The following SAMTOR variants were observed in gnomAD, a reference collection of about 807,000 sequenced individuals.
The protein encoded by SAMTOR is UPF0532 protein C7orf60.
the SAMTOR span, among the ~76,000 whole-genome samples, chr7:112,887,844 G>A: frequency 6.6e-6 from 1 of 151,850 alleles, no homozygotes; most frequent in Non-Finnish European, 1.5e-5. Flanking sequence ...CTTTTCGTTG[G>A]TTAGCTTGGC....
At chr7:112,936,501 C>T in the SAMTOR span, among the ~76,000 whole-genome samples, 1 of 152,198 alleles carries the variant, frequency 6.6e-6, no homozygotes, top group African/African-American at 2.4e-5. Flanking sequence ...CCCTTCCCCA[C>T]CCCAAGCCTG....
chr7:112,900,731 T>A, the SAMTOR span, among the ~76,000 whole-genome samples: 1 of 151,808 alleles, frequency 6.6e-6, no homozygotes, highest in Non-Finnish European at 1.5e-5. Context: ...AAAATATACC[T>A]ACAAAAATAT....
chr7:112,869,174 GC>G, the SAMTOR span, among the ~76,000 whole-genome samples: 1 of 152,024 alleles, frequency 6.6e-6, no homozygotes, highest in African/African-American at 2.4e-5. Flanking sequence ...GTAATCTCTC[GC>G]CCCCAGCCCC....
At chr7:112,836,742 G>A in the SAMTOR span, among the ~76,000 whole-genome samples, 3 of 151,782 alleles carry the variant, frequency 2.0e-5, no homozygotes, top group East Asian at 1.9e-4. Context: ...CAACTTTATC[G>A]AAGATCAGAT....
At chr7:112,915,253 A>G in the SAMTOR span, 1 of 1,485,728 alleles carries the variant, frequency 6.7e-7, no homozygotes, top group Non-Finnish European at 9.1e-7. Context: ...AAAAAAAAAG[A>G]AGTTACAACA....
At chr7:112,822,146 T>C in the SAMTOR span, 3,317 of 1,613,910 alleles carry the variant, frequency 2.1e-3, 52 homozygotes, top group African/African-American at 0.038. Flanking sequence ...TGATTAGTAA[T>C]AAACCATTTA....
the SAMTOR span, among the ~76,000 whole-genome samples, chr7:112,877,082 G>A: frequency 1.3e-5 from 2 of 152,170 alleles, no homozygotes; most frequent in Admixed American, 6.5e-5. Context: ...GTAAGAGGGT[G>A]CAAAAGAGGA....
chr7:112,918,651 G>C, the SAMTOR span, among the ~76,000 whole-genome samples: 1 of 152,102 alleles, frequency 6.6e-6, no homozygotes, highest in African/African-American at 2.4e-5. Context: ...ACACAGACTG[G>C]CAAATTGGAT....
chr7:112,836,576 G>A, the SAMTOR span, among the ~76,000 whole-genome samples: 2 of 151,900 alleles, frequency 1.3e-5, no homozygotes, highest in Non-Finnish European at 2.9e-5. Context: ...TATTTCCTAG[G>A]TTATCTTCCA....
At chr7:112,848,244 G>A in the SAMTOR span, among the ~76,000 whole-genome samples, 3 of 152,092 alleles carry the variant, frequency 2.0e-5, no homozygotes, top group Non-Finnish European at 2.9e-5. Flanking sequence ...AACTTTCTCA[G>A]TTTAGAAATC....
chr7:112,921,901 A>G, the SAMTOR span, among the ~76,000 whole-genome samples: 8 of 151,556 alleles, frequency 5.3e-5, no homozygotes, highest in Non-Finnish European at 1.0e-4. Flanking sequence ...ACCATCTCAC[A>G]CCACTTAGAA....
chr7:112,929,478 A>G, the SAMTOR span, among the ~76,000 whole-genome samples: 3 of 152,052 alleles, frequency 2.0e-5, no homozygotes, highest in Non-Finnish European at 4.4e-5. Context: ...TGAATCCTGT[A>G]TACTTATGTT....
chr7:112,853,342 A>C, the SAMTOR span, among the ~76,000 whole-genome samples: 1 of 152,170 alleles, frequency 6.6e-6, no homozygotes, highest in East Asian at 1.9e-4. Flanking sequence ...ACTTAAATTT[A>C]AATTTCATAT....
the SAMTOR span, among the ~76,000 whole-genome samples, chr7:112,827,159 G>A: frequency 5.3e-5 from 8 of 151,992 alleles, no homozygotes; most frequent in African/African-American, 1.9e-4. Context: ...CACTCTATTT[G>A]TGTCTTAATA....
the SAMTOR span, among the ~76,000 whole-genome samples, chr7:112,827,557 C>A: frequency 3.9e-5 from 6 of 152,240 alleles, no homozygotes; most frequent in East Asian, 1.2e-3. Flanking sequence ...AACCACTGTA[C>A]ATACCCAAAT....
At chr7:112,886,056 G>T in the SAMTOR span, among the ~76,000 whole-genome samples, 1 of 152,142 alleles carries the variant, frequency 6.6e-6, no homozygotes, top group Non-Finnish European at 1.5e-5. Flanking sequence ...GAAGTGCTGA[G>T]CAAAAGGGGG....
the SAMTOR span, among the ~76,000 whole-genome samples, chr7:112,824,206 C>T: frequency 6.6e-6 from 1 of 152,002 alleles, no homozygotes; most frequent in Non-Finnish European, 1.5e-5. Flanking sequence ...TCAATTTGTT[C>T]TTTCTTAGAT....
At chr7:112,836,274 C>T in the SAMTOR span, among the ~76,000 whole-genome samples, 9 of 151,952 alleles carry the variant, frequency 5.9e-5, no homozygotes, top group African/African-American at 1.4e-4. Flanking sequence ...TTGTTGGACA[C>T]GTTTGTCTTC....
chr7:112,927,940 T>TTA, the SAMTOR span, among the ~76,000 whole-genome samples: 1 of 152,028 alleles, frequency 6.6e-6, no homozygotes, highest in Non-Finnish European at 1.5e-5. Flanking sequence ...ATTTTGAATC[T>TTA]TATATCAAGA....
Sources: gnomAD v4.1 joint callset for allele counts (sites outside exome capture counted in the v4.1 genomes callset) on GRCh38, gnomAD v4.1.1 for gene constraint, MANE v1.5 for transcripts, NCBI Gene and HGNC (gene_info 2026-07-23, HGNC 2026-07-21) for gene names.